Variants in IMMP1L observed in about 807,000 individuals in gnomAD.
IMMP1L encodes the protein inner mitochondrial membrane peptidase subunit 1.
Under a neutral mutation model 21.8 loss-of-function variants are expected in IMMP1L, and 24 were observed. That is an observed-to-expected ratio of 1.10 (90% CI 0.80 to 1.55). The LOEUF (loss-of-function observed/expected upper bound fraction) is 1.55, where lower values mean the gene tolerates loss of function less well. Among genes scored for constraint, IMMP1L ranks in the 40% most tolerant of loss-of-function variants. The probability of loss-of-function intolerance (pLI) is 0.00; values close to 1 mark genes in which losing one functional copy is unlikely to be tolerated. For missense variants in IMMP1L, 195 were observed against 200.7 expected (o/e 0.97, Z 0.17); for synonymous variants, 46 against 62.8 (o/e 0.73, Z 1.26).
intron 1 of IMMP1L, among the ~76,000 whole-genome samples, chr11:31,502,672 T>G (rs1276375835): frequency 6.6e-6 from 1 of 152,206 alleles, no homozygotes; most frequent in Non-Finnish European, 1.5e-5. Flanking sequence ...ACATCACACA[T>G]GCTTTAACAC....
At chr11:31,441,208 T>TA (rs1953316347) in intron 4 of IMMP1L, among the ~76,000 whole-genome samples, 1 of 152,072 alleles carries the variant, frequency 6.6e-6, no homozygotes, top group African/African-American at 2.4e-5. Context: ...TGTCTTAAAA[T>TA]ACAAACTGCT....
chr11:31,460,778 TAAGC>T, intron 2 of IMMP1L, 64 bp from the exon 3 acceptor site: 1 of 1,111,572 alleles, frequency 9.0e-7, no homozygotes, highest in African/African-American at 1.6e-5. Flanking sequence ...ATAAATCTTT[TAAGC>T]AAGCTTAAAA....
chr11:31,452,217 A>T, intron 4 of IMMP1L: 1 of 984,778 alleles, frequency 1.0e-6, no homozygotes, highest in Non-Finnish European at 1.2e-6. Context: ...ATTTTACAAC[A>T]TGTTTGTTGA....
intron 1 of IMMP1L, among the ~76,000 whole-genome samples, chr11:31,503,138 A>C: frequency 6.6e-6 from 1 of 152,236 alleles, no homozygotes; most frequent in African/African-American, 2.4e-5. Context: ...AATATAATTC[A>C]GTATTTCAGT....
At chr11:31,448,873 C>T (rs1953636623) in intron 4 of IMMP1L, 1 of 915,090 alleles carries the variant, frequency 1.1e-6, no homozygotes, top group African/African-American at 1.8e-5. Flanking sequence ...AAAAACACTT[C>T]AGACTTGTAA....
chr11:31,475,658 T>C (rs1954702159), intron 1 of IMMP1L, among the ~76,000 whole-genome samples: 2 of 152,156 alleles, frequency 1.3e-5, no homozygotes, highest in South Asian at 4.2e-4. Context: ...ACATCATGAG[T>C]TGCCTGTGCT....
intron 1 of IMMP1L, among the ~76,000 whole-genome samples, chr11:31,491,670 T>C (rs577676062): frequency 6.6e-6 from 1 of 152,322 alleles, no homozygotes; most frequent in East Asian, 1.9e-4. Flanking sequence ...CCTATCTAAA[T>C]TGTAAAAGAT....
At chr11:31,449,264 A>G (rs955419506) in intron 4 of IMMP1L, among the ~76,000 whole-genome samples, 6 of 152,196 alleles carry the variant, frequency 3.9e-5, no homozygotes, top group Non-Finnish European at 8.8e-5. Flanking sequence ...TCTGTTTATA[A>G]TACAAGTGGT....
chr11:31,499,538 G>A (rs777513685), intron 1 of IMMP1L, among the ~76,000 whole-genome samples: 7 of 152,136 alleles, frequency 4.6e-5, no homozygotes, highest in Non-Finnish European at 7.4e-5. Context: ...TGGATGGAGC[G>A]AATGACAGTC....
intron 1 of IMMP1L, among the ~76,000 whole-genome samples, chr11:31,509,027 G>C (rs1364697718): frequency 2.0e-5 from 3 of 152,124 alleles, no homozygotes; most frequent in Non-Finnish European, 4.4e-5. Context: ...TGTGAACAAG[G>C]TTGTCAGAGT....
chr11:31,472,502 G>A (rs1413261456), intron 1 of IMMP1L, among the ~76,000 whole-genome samples: 1 of 152,156 alleles, frequency 6.6e-6, no homozygotes, highest in East Asian at 1.9e-4. Flanking sequence ...ACTTTGTGTT[G>A]TATAACTTAC....
At chr11:31,497,457 T>C (rs1383590894) in intron 1 of IMMP1L, among the ~76,000 whole-genome samples, 1 of 142,214 alleles carries the variant, frequency 7.0e-6, no homozygotes, top group Admixed American at 7.3e-5. Flanking sequence ...CAATATTTCT[T>C]TTCTTTTTTT....
intron 4 of IMMP1L, among the ~76,000 whole-genome samples, chr11:31,435,439 G>A (rs912104955): frequency 1.3e-5 from 2 of 152,170 alleles, no homozygotes; most frequent in African/African-American, 4.8e-5. Context: ...AAACCAACAG[G>A]CAGTAATGCC....
intron 4 of IMMP1L, chr11:31,452,854 G>A (rs1374306950): frequency 2.1e-5 from 14 of 670,054 alleles, no homozygotes; most frequent in Admixed American, 5.0e-5. Flanking sequence ...AGGTTGAAGC[G>A]ATTCTCCTGC....
At chr11:31,490,514 T>C (rs919247881) in intron 1 of IMMP1L, among the ~76,000 whole-genome samples, 6 of 151,632 alleles carry the variant, frequency 4.0e-5, no homozygotes, top group African/African-American at 1.2e-4. Context: ...CCTACTTCTA[T>C]ATATATTATA....
intron 3 of IMMP1L, among the ~76,000 whole-genome samples, chr11:31,458,051 A>G (rs1480484938): frequency 6.6e-6 from 1 of 152,180 alleles, no homozygotes; most frequent in Non-Finnish European, 1.5e-5. Flanking sequence ...ACGTTTTTCC[A>G]TGGGTGTCTA....
At position 31,504,340 on chromosome 11, in the gene IMMP1L, C is replaced by T. The variant is rs75407943; in HGVS notation, c.-30+5179G>A. Among the ~76,000 whole-genome samples, 21 of 152,270 alleles carry T rather than the reference C, an allele frequency of 1.4e-4. 1 individual carries two copies. The highest frequency in any genetic ancestry group is 4.8e-4 in the African/African-American group (20 of 41,574). On this transcript the variant is annotated intron_variant, in intron 1 of 5. Transcript: ENST00000532287. ...AACTCTTATCCAAAATATAAAAGAA[C>T]TCCTACAAATCCATGGGACAGAGGC...
chr11:31,447,509 A>G (rs1953567885), intron 4 of IMMP1L, among the ~76,000 whole-genome samples: 1 of 152,218 alleles, frequency 6.6e-6, no homozygotes, highest in Non-Finnish European at 1.5e-5. Flanking sequence ...AGTAGATGAG[A>G]ATCTTAAGTT....
At chr11:31,459,433 T>C (rs986340180) in intron 3 of IMMP1L, among the ~76,000 whole-genome samples, 4 of 152,160 alleles carry the variant, frequency 2.6e-5, no homozygotes, top group African/African-American at 9.7e-5. Context: ...TTTTTCAGAA[T>C]TATAAAAAAC....
Sources: gnomAD v4.1 joint callset for allele counts (sites outside exome capture counted in the v4.1 genomes callset) on GRCh38, gnomAD v4.1.1 for gene constraint, MANE v1.5 for transcripts, NCBI Gene and HGNC (gene_info 2026-07-23, HGNC 2026-07-21) for gene names.